Variants in NUP214 observed in about 807,000 individuals in gnomAD.
The protein encoded by NUP214 is nucleoporin 214, also known as nuclear pore complex protein Nup214.
In NUP214, 79 loss-of-function variants were observed where a neutral mutation model predicts 196.2. The ratio of observed to expected loss-of-function variants is 0.40; its 90% CI spans 0.34 to 0.49. The LOEUF (loss-of-function observed/expected upper bound fraction) is 0.49, where lower values mean the gene tolerates loss of function less well. NUP214 is among the 20% of genes least tolerant of loss of function. NUP214 has a pLI of 0.58. For synonymous variants in NUP214, 1,020 were observed against 990.5 expected, an observed-to-expected ratio of 1.03 and a Z score of -0.56; for missense variants, 2,468 against 2,539.0, an observed-to-expected ratio of 0.97 and a Z score of 0.60.
intron 30 of NUP214, 21 bp from the exon 31 acceptor site, chr9:131,215,191 C>T (rs752395948): frequency 2.7e-6 from 4 of 1,502,450 alleles, no homozygotes; most frequent in Non-Finnish European, 3.6e-6. Flanking sequence ...TATCTTGCTT[C>T]CTGACCCTTT....
At chr9:131,175,736 A>G (rs2131002753) in intron 23 of NUP214, 115 bp downstream of exon 23, 1 of 1,390,302 alleles carries the variant, frequency 7.2e-7, no homozygotes, top group Middle Eastern at 2.5e-4. Flanking sequence ...TTCAGAAGAG[A>G]AGATTGATGT....
At chr9:131,160,166 A>G (rs1041269264) in intron 18 of NUP214, among the ~76,000 whole-genome samples, 6 of 152,108 alleles carry the variant, frequency 3.9e-5, no homozygotes, top group Admixed American at 2.6e-4. Context: ...GTTCTACAAA[A>G]TGTATGAATA....
Position 131,201,659 on chromosome 9 carries a change from G to C in NUP214, c.5534G>C (p.Ser1845Thr). The change falls in exon 30 of 36, where the codon AGT becomes ACT. Residue 1845 changes from serine to threonine, a missense_variant. Transcript: ENST00000359428. ...SFCQASGFGSSNTGSVFGQAA... is the reference protein window; with the variant it reads ...SFCQASGFGSTNTGSVFGQAA... Reference sequence around the variant, plus strand: ...TTGTATTTTACAGGTTTTGGGTCTAGTAATACTGGTTCTGTGTTTGGTCAA... The same window carrying C: ...TTGTATTTTACAGGTTTTGGGTCTACTAATACTGGTTCTGTGTTTGGTCAA... 1 of 1,613,904 alleles carries C rather than the reference G, an allele frequency of 6.2e-7. No homozygotes were observed.
chr9:131,150,188 AT>A (rs1225334802), intron 14 of NUP214, 135 bp from the exon 15 acceptor site: 12 of 716,624 alleles, frequency 1.7e-5, no homozygotes, highest in African/African-American at 1.6e-4. Flanking sequence ...TAGAGACCCT[AT>A]AAATAAGGAT....
Position 131,144,407 on chromosome 9 carries a change from T to G in NUP214, c.1422T>G (p.Pro474=). 1 of 1,614,200 alleles carries G rather than the reference T, an allele frequency of 6.2e-7. No individual in the cohort carries two copies. Among genetic ancestry groups the G allele is most frequent in the Non-Finnish European group, 8.5e-7 (1 of 1,180,014 alleles). Residue 474 remains proline (P), a synonymous_variant, in exon 12 of 36, where the codon CCT becomes CCG. Coordinates refer to ENST00000359428, the MANE Select transcript of NUP214 (RefSeq NM_005085.4). ...AAPIATFSLL[P]AGGAPTVFSF... is the part of the protein sequence containing the mutation. Reference sequence around the variant, plus strand: ...CCATTGCCACTTTTTCTTTGCTTCCTGCTGGTGGAGCCCCCACTGTGTTCT... The same window carrying G: ...CCATTGCCACTTTTTCTTTGCTTCCGGCTGGTGGAGCCCCCACTGTGTTCT...
Position 131,234,272 on chromosome 9 carries a change from T to G in NUP214, c.*785T>G. On this transcript the variant is annotated 3_prime_UTR_variant, in exon 36 of 36. Coordinates refer to ENST00000359428, the MANE Select transcript of NUP214 (RefSeq NM_005085.4). Reference sequence around the variant, plus strand: ...GTAGCCACACCTACCCAGTGTCTACTAACCACAGTGCAGATAGCCCTTGGG... The same window carrying G: ...GTAGCCACACCTACCCAGTGTCTACGAACCACAGTGCAGATAGCCCTTGGG... 1 of 232,856 alleles carries G rather than the reference T, an allele frequency of 4.3e-6. No individual in the cohort carries two copies. Among genetic ancestry groups the G allele is most frequent in the African/African-American group, 2.2e-5 (1 of 45,428 alleles). The allele number at this position is 232,856 out of a possible 1,614,324, so 14.4% of individuals were successfully genotyped here. A position where few individuals can be genotyped will look rare whatever the true frequency, so the allele number is the denominator to read the frequency against.
chr9:131,208,927 C>T (rs966312295), intron 30 of NUP214, among the ~76,000 whole-genome samples: 39 of 141,396 alleles, frequency 2.8e-4, no homozygotes, highest in South Asian at 2.4e-4. Flanking sequence ...GCAGGAGAAT[C>T]GCTTGAACCC....
At chr9:131,199,812 C>T (rs1046364710) in intron 29 of NUP214, among the ~76,000 whole-genome samples, 1 of 152,172 alleles carries the variant, frequency 6.6e-6, no homozygotes, top group African/African-American at 2.4e-5. Context: ...ACTGCTAATT[C>T]ATTATTCGAT....
chr9:131,169,823 A>T (rs963176485), intron 21 of NUP214, among the ~76,000 whole-genome samples: 40 of 152,232 alleles, frequency 2.6e-4, no homozygotes, highest in African/African-American at 9.6e-4. Flanking sequence ...TATTTCTGCA[A>T]AGAGACAGCT....
chr9:131,214,465 C>G (rs1411266348), intron 30 of NUP214, among the ~76,000 whole-genome samples: 1 of 152,186 alleles, frequency 6.6e-6, no homozygotes, highest in Non-Finnish European at 1.5e-5. Flanking sequence ...TGGCCCCTTT[C>G]CAAAGTCCAT....
chr9:131,211,911 A>G (rs1389161411), intron 30 of NUP214, among the ~76,000 whole-genome samples: 2 of 152,244 alleles, frequency 1.3e-5, no homozygotes, highest in Admixed American at 6.5e-5. Context: ...TGCGATTTTC[A>G]TGGAACAAGG....
chr9:131,228,980 A>G (rs1834798602), intron 33 of NUP214: 1 of 152,216 alleles, frequency 6.6e-6, no homozygotes, highest in African/African-American at 2.4e-5. Flanking sequence ...TCACCACACC[A>G]CAACATCCCA....
At chr9:131,145,086 G>A (rs1832050214) in intron 12 of NUP214, among the ~76,000 whole-genome samples, 3 of 152,114 alleles carry the variant, frequency 2.0e-5, no homozygotes, top group South Asian at 2.1e-4. Context: ...GAAGGGAAAT[G>A]AATCCCTTGT....
At chr9:131,171,475 G>A (rs1832954291) in intron 21 of NUP214, among the ~76,000 whole-genome samples, 1 of 151,938 alleles carries the variant, frequency 6.6e-6, no homozygotes, top group Admixed American at 6.6e-5. Flanking sequence ...GTTTCCTATG[G>A]ATGCCGTAAC....
At chr9:131,207,007 T>C (rs756960339) in intron 30 of NUP214, among the ~76,000 whole-genome samples, 1 of 152,204 alleles carries the variant, frequency 6.6e-6, no homozygotes, top group Non-Finnish European at 1.5e-5. Context: ...CTTAGGACTA[T>C]GTCTGGCACA....
chr9:131,163,871 T>C lies in NUP214; in HGVS notation c.2725T>C (p.Phe909Leu). The C allele has an allele frequency of 6.2e-7, 1 of 1,613,852 alleles. No homozygotes were observed. The highest frequency in any genetic ancestry group is 8.5e-7 in the Non-Finnish European group (1 of 1,179,778). The change falls in exon 20 of 36, where the codon TTT becomes CTT. Residue 909 changes from phenylalanine (F) to leucine (L), a missense_variant and splice_region_variant. Around this residue, in one of 5 missense-constraint regions of NUP214, gnomAD observed 1,801 missense variants for 1,779.4 expected, o/e 1.01. Transcript: ENST00000359428. The part of the protein sequence containing the change: ...AVPSQSSIHS[F>L]DSDLESLCNA... ...GTATCTAACACTGTTCTGTTTCAGTTTTGACAGTGACCTGGAAAGCCTGTG... is the reference window on the plus strand; with the variant it reads ...GTATCTAACACTGTTCTGTTTCAGTCTTGACAGTGACCTGGAAAGCCTGTG...
At chr9:131,178,721 A>G (rs1833184702) in intron 24 of NUP214, among the ~76,000 whole-genome samples, 1 of 144,888 alleles carries the variant, frequency 6.9e-6, no homozygotes, top group South Asian at 2.2e-4. Flanking sequence ...TTTTTTTTTA[A>G]TGCCCTAGGG....
At chr9:131,218,612 C>A (rs1319259398) in intron 31 of NUP214, among the ~76,000 whole-genome samples, 2 of 151,726 alleles carry the variant, frequency 1.3e-5, no homozygotes, top group Admixed American at 1.3e-4. Context: ...ATGGGGCATT[C>A]CCCGTGGTCA....
intron 31 of NUP214, among the ~76,000 whole-genome samples, chr9:131,221,336 G>C (rs1834550084): frequency 6.6e-6 from 1 of 152,200 alleles, no homozygotes; most frequent in African/African-American, 2.4e-5. Flanking sequence ...TGGTTTTATA[G>C]GGCAGTGACC....
Sources: gnomAD v4.1 joint callset for allele counts (sites outside exome capture counted in the v4.1 genomes callset) on GRCh38, gnomAD v4.1.1 for gene constraint, gnomAD v4.1.1 regional missense constraint, MANE v1.5 for transcripts, NCBI Gene and HGNC (gene_info 2026-07-23, HGNC 2026-07-21) for gene names.